Variants in TMEM237 observed in about 807,000 individuals in gnomAD.
The protein encoded by TMEM237 is transmembrane protein 237, also known as amyotrophic lateral sclerosis 2 (juvenile) chromosome region, candidate 4.
Under a neutral mutation model 59.1 loss-of-function variants are expected in TMEM237, and 51 were observed. That is an observed-to-expected ratio of 0.86 (90% confidence interval 0.69 to 1.09). The LOEUF (loss-of-function observed/expected upper bound fraction) is 1.09. TMEM237 is among the 50% of genes least tolerant of loss of function. TMEM237 has a pLI of 0.00. For synonymous variants in TMEM237, 140 were observed against 166.1 expected, an observed-to-expected ratio of 0.84 and a Z score of 1.21; for missense variants, 475 against 478.3, an observed-to-expected ratio of 0.99 and a Z score of 0.06.
intron 10 of TMEM237, among the ~76,000 whole-genome samples, chr2:201,627,670 G>T (rs1283302253): frequency 6.6e-6 from 1 of 152,054 alleles, no homozygotes; most frequent in Non-Finnish European, 1.5e-5. Flanking sequence ...CTTTTTAAAA[G>T]TTAAATGACT....
chr2:201,626,716 G>A (rs1432287164), intron 11 of TMEM237, among the ~76,000 whole-genome samples: 1 of 152,070 alleles, frequency 6.6e-6, no homozygotes, highest in African/African-American at 2.4e-5. Context: ...TCACTGTTCT[G>A]GGATATGAAA....
chr2:201,640,821 A>G (rs963566606), intron 2 of TMEM237, 72 bp downstream of exon 2: 2 of 1,249,868 alleles, frequency 1.6e-6, no homozygotes, highest in African/African-American at 1.5e-5. Context: ...CAATGATACT[A>G]GTCAATTTTT....
intron 4 of TMEM237, 50 bp downstream of exon 4, chr2:201,638,939 G>A: frequency 6.6e-7 from 1 of 1,521,008 alleles, no homozygotes; most frequent in Non-Finnish European, 8.9e-7. Flanking sequence ...TACTACGCCT[G>A]AGGTCCTGGG....
In TMEM237 at chr2:201,633,357, C is replaced by T. The variant is rs1329527316; in HGVS notation, c.349G>A (p.Glu117Lys). The T allele has an allele frequency of 1.9e-6, 3 of 1,596,210 alleles. No homozygotes were observed. The highest frequency in any genetic ancestry group is 2.6e-6 in the Non-Finnish European group (3 of 1,171,018). Residue 117 changes from glutamate to lysine, a missense_variant, in exon 6 of 13, where the codon GAG becomes AAG. Glu to Lys is a moderately conservative substitution (Grantham distance 56, BLOSUM62 1). Coordinates refer to ENST00000409883, the MANE Select transcript of TMEM237 (RefSeq NM_001044385.3). Reference protein sequence around the residue: ...LLRNENGIDAEPAEEAVIQKP... With the variant: ...LLRNENGIDAKPAEEAVIQKP... Reference sequence around the variant, plus strand: ...TGAATAACTGCCTCCTCAGCTGGCTCCGCATCAATACCATTTTCATTTCGT... The same window carrying T: ...TGAATAACTGCCTCCTCAGCTGGCTTCGCATCAATACCATTTTCATTTCGT...
At chr2:201,630,736 C>T (rs1000267122) in intron 7 of TMEM237, among the ~76,000 whole-genome samples, 7 of 152,098 alleles carry the variant, frequency 4.6e-5, no homozygotes, top group Non-Finnish European at 8.8e-5. Context: ...TAAATGACCA[C>T]GTGGTAGATG....
intron 2 of TMEM237, 48 bp from the exon 3 acceptor site, chr2:201,640,313 C>T: frequency 6.6e-7 from 1 of 1,511,566 alleles, no homozygotes; most frequent in Non-Finnish European, 8.8e-7. Context: ...AGGACAAAGA[C>T]AAAAAAGAAA....
At position 201,624,192 on chromosome 2, in the gene TMEM237, A is replaced by G; in HGVS notation, c.*63T>C. ...ATACACATGTATACATCTTATAAAA[A>G]TACATTTAAAAACAAAAATGGGACA... is the stretch of plus-strand genomic sequence containing the variant. On this transcript the variant is annotated 3_prime_UTR_variant, in exon 13 of 13. Transcript: ENST00000409883. The G allele has an allele frequency of 7.5e-7, 1 of 1,328,558 alleles. No homozygotes were observed. The highest frequency in any genetic ancestry group is 1.1e-6 in the Non-Finnish European group (1 of 931,718). 82.3% of individuals were successfully genotyped at this position (1,328,558 alleles called of 1,614,324 possible).
intron 12 of TMEM237, among the ~76,000 whole-genome samples, chr2:201,625,597 G>T (rs1207998802): frequency 1.3e-5 from 2 of 152,284 alleles, no homozygotes; most frequent in East Asian, 3.9e-4. Flanking sequence ...GTTAGCCAAT[G>T]AACGGTTAAG....
At chr2:201,637,229 G>A (rs935621767) in intron 4 of TMEM237, among the ~76,000 whole-genome samples, 3 of 152,144 alleles carry the variant, frequency 2.0e-5, no homozygotes, top group African/African-American at 7.2e-5. Flanking sequence ...TCTCTTACTT[G>A]CCTCTTGCCT....
chr2:201,627,992 T>C (rs956016784), intron 10 of TMEM237, 84 bp downstream of exon 10: 1 of 1,030,700 alleles, frequency 9.7e-7, no homozygotes, highest in South Asian at 1.8e-5. Context: ...AATACAACTT[T>C]TAAAAAAAAT....
At chr2:201,636,983 G>A in intron 4 of TMEM237, 98 bp from the exon 5 acceptor site, 7 of 1,219,476 alleles carry the variant, frequency 5.7e-6, no homozygotes, top group Non-Finnish European at 7.8e-6. Context: ...GTTTCCTATA[G>A]AATAACCCCA....
At position 201,629,404 on chromosome 2, in the gene TMEM237, G is replaced by C; in HGVS notation, c.695C>G (p.Ser232Cys). Residue 232 changes from serine to cysteine, a missense_variant, in exon 9 of 13, where the codon TCT becomes TGT. Physicochemically the swap from Ser to Cys is moderately radical, Grantham distance 112. Transcript: ENST00000409883. ...AGCACAGCCAGCCAAGAATCCATGA[G>C]AAAAGAGACCAATCATCCTGAATGG... ...HRAFRMIGLF[S>C]HGFLAGCAVW... The C allele has an allele frequency of 1.3e-6, 2 of 1,573,290 alleles. No individual in the cohort carries two copies. Among genetic ancestry groups the C allele is most frequent in the Non-Finnish European group, 1.7e-6 (2 of 1,166,920 alleles).
intron 7 of TMEM237, among the ~76,000 whole-genome samples, chr2:201,630,778 C>T (rs1957800818): frequency 6.6e-6 from 1 of 152,106 alleles, no homozygotes; most frequent in South Asian, 2.1e-4. Flanking sequence ...GTCATAAAAC[C>T]ACAGTTCAAG....
Position 201,643,033 on chromosome 2 carries a change from T to C in TMEM237, c.42+326A>G. 7.8e-7 allele frequency: 1 copy of C among 1,274,258 alleles called. No individual in the cohort carries two copies. Among genetic ancestry groups the C allele is most frequent in the Non-Finnish European group, 1.0e-6 (1 of 997,452 alleles). The allele number at this position is 1,274,258 out of a possible 1,614,324, so 78.9% of individuals were successfully genotyped here. A position where few individuals can be genotyped will look rare whatever the true frequency, so the allele number is the denominator to read the frequency against. ...CTACAGACCTCTCCTCGGAGGAGTC[T>C]AGGAGAGGCCTGGCTGGAAGCCCCG... On this transcript the variant is annotated intron_variant, in intron 1 of 12. Coordinates refer to ENST00000409883, the MANE Select transcript of TMEM237 (RefSeq NM_001044385.3). The surrounding 1 kb of genome is among the most constrained non-coding windows in gnomAD (Gnocchi z 4.3).
chr2:201,643,276 C>G lies in TMEM237; in HGVS notation c.42+83G>C. On this transcript the variant is annotated intron_variant, in intron 1 of 12. Coordinates refer to ENST00000409883, the MANE Select transcript of TMEM237 (RefSeq NM_001044385.3). This position sits in a 1 kb window ranked among gnomAD's most constrained non-coding sequence, Gnocchi z 4.3. Reference sequence around the variant, plus strand: ...TTAGTGATTCCCAGCTCGTTGGCGCCCCCCCACACACACCCACCCCCACTG... The same window carrying G: ...TTAGTGATTCCCAGCTCGTTGGCGCGCCCCCACACACACCCACCCCCACTG... 3.4e-5 allele frequency: 41 copies of G among 1,220,522 alleles called. No individual in the cohort carries two copies. The highest frequency in any genetic ancestry group is 4.3e-5 in the Non-Finnish European group (37 of 857,128). The allele number at this position is 1,220,522 out of a possible 1,614,324, so 75.6% of individuals were successfully genotyped here.
At chr2:201,641,406 T>G (rs1376515508) in intron 1 of TMEM237, among the ~76,000 whole-genome samples, 1 of 152,176 alleles carries the variant, frequency 6.6e-6, no homozygotes, top group Non-Finnish European at 1.5e-5. Flanking sequence ...TGGGAGGTAC[T>G]GATGAGAAAC....
Position 201,643,310 on chromosome 2 carries a change from A to T in TMEM237, c.42+49T>A. The T allele has an allele frequency of 6.9e-7, 1 of 1,446,602 alleles. No homozygotes were observed. The highest frequency in any genetic ancestry group is 9.4e-7 in the Non-Finnish European group (1 of 1,062,842). The allele number at this position is 1,446,602 out of a possible 1,614,324, so 89.6% of individuals were successfully genotyped here. A position where few individuals can be genotyped will look rare whatever the true frequency, so the allele number is the denominator to read the frequency against. On this transcript the variant is annotated intron_variant, in intron 1 of 12. Transcript: ENST00000409883. This position sits in a 1 kb window ranked among gnomAD's most constrained non-coding sequence, Gnocchi z 4.3. Reference sequence around the variant, plus strand: ...CACACCCACCCCCACTGCCAAGTGTAGCTGTTTACCCGCCACCTCTCGAGG... The same window carrying T: ...CACACCCACCCCCACTGCCAAGTGTTGCTGTTTACCCGCCACCTCTCGAGG...
intron 1 of TMEM237, chr2:201,642,990 C>T: frequency 7.7e-7 from 1 of 1,297,800 alleles, no homozygotes; most frequent in Non-Finnish European, 9.7e-7. Flanking sequence ...CGCAGGCGAA[C>T]AGATCTCTTC....
chr2:201,633,177 G>T, intron 6 of TMEM237, 134 bp downstream of exon 6: 1 of 819,802 alleles, frequency 1.2e-6, no homozygotes, highest in South Asian at 2.8e-5. Flanking sequence ...CTGATTTTTT[G>T]TAATAATACT....
Sources: gnomAD v4.1 joint callset for allele counts (sites outside exome capture counted in the v4.1 genomes callset) on GRCh38, gnomAD v4.1.1 for gene constraint, Gnocchi (gnomAD v3.1) non-coding constraint, MANE v1.5 for transcripts, NCBI Gene and HGNC (gene_info 2026-07-23, HGNC 2026-07-21) for gene names.